Variants in LSAMP observed in about 807,000 individuals in gnomAD.
The protein encoded by LSAMP is limbic system-associated membrane protein.
Under a neutral mutation model 38.6 loss-of-function variants are expected in LSAMP, and 7 were observed. The observed-to-expected ratio is 0.18, with a 90% CI of 0.10 to 0.34. The LOEUF (loss-of-function observed/expected upper bound fraction) is 0.34, where lower values mean the gene tolerates loss of function less well. Ranked by LOEUF, LSAMP falls within the 10% of genes least tolerant of loss-of-function variation. The probability of loss-of-function intolerance (pLI) is 1.00; values close to 1 mark genes in which losing one functional copy is unlikely to be tolerated. For missense variants in LSAMP, 313 were observed against 420.0 expected, an observed-to-expected ratio of 0.75 and a Z score of 2.23; for synonymous variants, 154 against 166.8, an observed-to-expected ratio of 0.92 and a Z score of 0.59.
At chr3:115,907,012 T>G (rs969405679) in intron 3 of LSAMP, among the ~76,000 whole-genome samples, 1 of 152,134 alleles carries the variant, frequency 6.6e-6, no homozygotes, top group Non-Finnish European at 1.5e-5. Context: ...AATTTGAATA[T>G]TTAAAACAAA....
intron 1 of LSAMP, among the ~76,000 whole-genome samples, chr3:116,123,217 CT>C (rs1441600463): frequency 3.9e-5 from 6 of 152,166 alleles, no homozygotes; most frequent in Non-Finnish European, 2.9e-5. Context: ...TGCCTGCTGC[CT>C]TCTCATCTGG....
chr3:116,306,304 G>A (rs1482509754), intron 1 of LSAMP, among the ~76,000 whole-genome samples: 1 of 151,948 alleles, frequency 6.6e-6, no homozygotes, highest in Non-Finnish European at 1.5e-5. Flanking sequence ...TTAGAGTCAG[G>A]CAGTGGAGAA....
At chr3:116,169,391 C>T (rs1677161578) in intron 1 of LSAMP, among the ~76,000 whole-genome samples, 1 of 152,018 alleles carries the variant, frequency 6.6e-6, no homozygotes, top group Non-Finnish European at 1.5e-5. Context: ...ACATCCTGAC[C>T]AGAGAAAAAA....
chr3:116,086,443 T>C lies in LSAMP; in HGVS notation c.269A>G (p.His90Arg). Reference sequence around the variant, plus strand: ...GATTCGGAGGCTGTATTCCAGAGAATGGCGTTTCTCCAGCTCAACCCGTGG... The same window carrying C: ...GATTCGGAGGCTGTATTCCAGAGAACGGCGTTTCTCCAGCTCAACCCGTGG... ...LDPRVELEKR[H>R]SLEYSLRIQK... The change falls in exon 2 of 7, where the codon CAT becomes CGT. Residue 90 changes from histidine to arginine, a missense_variant. His to Arg is a conservative substitution (Grantham distance 29). Coordinates refer to ENST00000490035, the MANE Select transcript of LSAMP (RefSeq NM_002338.5). 1 of 1,614,112 alleles carries C rather than the reference T, an allele frequency of 6.2e-7. No individual in the cohort carries two copies. The highest frequency in any genetic ancestry group is 8.5e-7 in the Non-Finnish European group (1 of 1,179,992).
intron 3 of LSAMP, among the ~76,000 whole-genome samples, chr3:115,925,045 G>C (rs1295895174): frequency 1.3e-5 from 2 of 152,144 alleles, no homozygotes; most frequent in Non-Finnish European, 2.9e-5. Flanking sequence ...CCCTGCCTGT[G>C]GGGCTCATAG....
chr3:115,947,788 G>C lies in LSAMP; in HGVS notation c.514+71727C>G, dbSNP rs144177960. ...TGCATGAGCTGATGAAAGAGTAAGA[G>C]AGGGATGAACTTGAATGAGCCAGCC... On this transcript the variant is annotated intron_variant, in intron 3 of 6. Transcript: ENST00000490035. 5.8e-3 allele frequency among the ~76,000 whole-genome samples: 883 copies of C among 152,312 alleles called. 7 individuals are homozygous for C. Among genetic ancestry groups the C allele is most frequent in the Non-Finnish European group, 8.2e-3 (560 of 68,034 alleles).
At chr3:115,811,935 G>A (rs964422849) in intron 6 of LSAMP, among the ~76,000 whole-genome samples, 3 of 152,332 alleles carry the variant, frequency 2.0e-5, no homozygotes, top group Admixed American at 6.5e-5. Context: ...CTTGTAAGCA[G>A]AGGAGCTGGG....
chr3:115,821,353 T>G (rs1318037716), intron 6 of LSAMP, among the ~76,000 whole-genome samples: 1 of 152,216 alleles, frequency 6.6e-6, no homozygotes. Context: ...GGAAAAGAAT[T>G]GACGTTTAGT....
chr3:115,934,326 C>T (rs561357349), intron 3 of LSAMP, among the ~76,000 whole-genome samples: 2 of 151,858 alleles, frequency 1.3e-5, no homozygotes, highest in South Asian at 2.1e-4. Context: ...TACAGGCGCC[C>T]GCCACCATGC....
At chr3:116,113,601 A>G (rs1176100186) in intron 1 of LSAMP, among the ~76,000 whole-genome samples, 1 of 149,758 alleles carries the variant, frequency 6.7e-6, no homozygotes, top group African/African-American at 2.5e-5. Context: ...AATTTTTTGT[A>G]TTTTTAGTAG....
At chr3:116,023,528 C>T (rs1940696427) in intron 2 of LSAMP, among the ~76,000 whole-genome samples, 1 of 151,076 alleles carries the variant, frequency 6.6e-6, no homozygotes, top group African/African-American at 2.4e-5. Flanking sequence ...TGGCTTGAAC[C>T]CAGGAGGCGG....
At chr3:115,871,906 T>C (rs538004403) in intron 3 of LSAMP, among the ~76,000 whole-genome samples, 1 of 152,188 alleles carries the variant, frequency 6.6e-6, no homozygotes, top group Non-Finnish European at 1.5e-5. Context: ...ATTCCTACAC[T>C]CTGTAGCAGA....
chr3:116,287,786 C>A (rs2047212796), intron 1 of LSAMP, among the ~76,000 whole-genome samples: 1 of 152,208 alleles, frequency 6.6e-6, no homozygotes, highest in Admixed American at 6.5e-5. Context: ...ATGCTCCAAT[C>A]ATTAACCTCA....
At chr3:116,426,529 T>TGATAAG (rs1037127188) in intron 1 of LSAMP, among the ~76,000 whole-genome samples, 5 of 149,452 alleles carry the variant, frequency 3.3e-5, no homozygotes, top group African/African-American at 1.2e-4. Flanking sequence ...AGTCATGCAC[T>TGATAAG]GATAAGGATT....
At chr3:115,818,790 T>TTTTATATATA (rs1553734999) in intron 6 of LSAMP, among the ~76,000 whole-genome samples, 1 of 69,786 alleles carries the variant, frequency 1.4e-5, no homozygotes, top group Non-Finnish European at 3.0e-5. Context: ...AGTTGTACTT[T>TTTTATATATA]TATATATATA....
chr3:116,203,649 G>A (rs1407250302), intron 1 of LSAMP, among the ~76,000 whole-genome samples: 1 of 149,182 alleles, frequency 6.7e-6, no homozygotes, highest in Non-Finnish European at 1.5e-5. Flanking sequence ...AATATGCGGT[G>A]TTTGGTTTTT....
chr3:116,059,299 G>A (rs933729739), intron 2 of LSAMP, among the ~76,000 whole-genome samples: 4 of 152,092 alleles, frequency 2.6e-5, no homozygotes, highest in Non-Finnish European at 4.4e-5. Flanking sequence ...TTTGCCTTAT[G>A]CAACTCTTTT....
In LSAMP at chr3:115,804,111, A is replaced by G. The variant is rs957355935; in HGVS notation, c.*6206T>C. The G allele has an allele frequency of 3.3e-5, 5 of 152,212 alleles. No homozygotes were observed. The highest frequency in any genetic ancestry group is 7.3e-5 in the Non-Finnish European group (5 of 68,028). 9.4% of individuals were successfully genotyped at this position (152,212 alleles called of 1,614,324 possible). On this transcript the variant is annotated 3_prime_UTR_variant, in exon 7 of 7. Transcript: ENST00000490035. Reference sequence around the variant, plus strand: ...TCTACACTGCTATAAAGTTTTGATCAGAAAAAATTTACAGACCCAGTCCAG... The same window carrying G: ...TCTACACTGCTATAAAGTTTTGATCGGAAAAAATTTACAGACCCAGTCCAG...
intron 1 of LSAMP, among the ~76,000 whole-genome samples, chr3:116,281,852 C>T (rs564499501): frequency 6.6e-6 from 1 of 152,132 alleles, no homozygotes; most frequent in Non-Finnish European, 1.5e-5. Context: ...TATTTTAGTA[C>T]TAACCAACAA....
Sources: gnomAD v4.1 joint callset for allele counts (sites outside exome capture counted in the v4.1 genomes callset) on GRCh38, gnomAD v4.1.1 for gene constraint, MANE v1.5 for transcripts, NCBI Gene and HGNC (gene_info 2026-07-23, HGNC 2026-07-21) for gene names.